The following ZNF235 variants were observed in gnomAD, a reference collection of about 807,000 sequenced individuals.
ZNF235 encodes zinc finger protein 235.
In ZNF235, 25 loss-of-function variants were observed where a neutral mutation model predicts 29.4. The ratio of observed to expected loss-of-function variants is 0.85; its 90% CI spans 0.62 to 1.19. The LOEUF is 1.19. ZNF235 is among the 50% of genes most tolerant of loss of function. The probability of loss-of-function intolerance (pLI) is 0.00; values close to 1 mark genes in which losing one functional copy is unlikely to be tolerated. For synonymous variants in ZNF235, 300 were observed against 295.3 expected (o/e 1.02, Z -0.16); for missense variants, 788 against 885.0 (o/e 0.89, Z 1.39).
chr19:44,293,448 T>TA (rs937384187), intron 4 of ZNF235, among the ~76,000 whole-genome samples: 1 of 151,578 alleles, frequency 6.6e-6, no homozygotes, highest in Non-Finnish European at 1.5e-5. Flanking sequence ...TTATTAGACC[T>TA]AAAAAAATAC....
rs1318884412 is a variant in ZNF235 at position 44,287,959 on chromosome 19, A to G, written c.1476T>C (p.Cys492=). Residue 492 remains cysteine, a synonymous_variant, in exon 5 of 5, where the codon TGT becomes TGC. Transcript: ENST00000291182. ...TGEKPYKCEE[C]GKGFSSASSF... Reference sequence around the variant, plus strand: ...TTGAGGCTGAACTAAAACCCTTACCACACTCTTCACATTTATATGGTTTTT... The same window carrying G: ...TTGAGGCTGAACTAAAACCCTTACCGCACTCTTCACATTTATATGGTTTTT... The G allele has an allele frequency of 1.9e-6, 3 of 1,614,072 alleles. No individual in the cohort carries two copies. The South Asian group carries it at 3.3e-5, about 18-fold the overall frequency.
chr19:44,288,777 T>G lies in ZNF235; in HGVS notation c.658A>C (p.Ile220Leu). The G allele has an allele frequency of 6.2e-7, 1 of 1,613,944 alleles. No homozygotes were observed. Among genetic ancestry groups the G allele is most frequent in the Non-Finnish European group, 8.5e-7 (1 of 1,179,958 alleles). The part of the protein sequence containing the change: ...FAPYVDIFSC[I>L]SHHHDDNIVH... ...ATATTATCATCATGGTGGTGTGAAA[T>G]ACAACTGAAAATGTCAACATATGGA... Residue 220 changes from isoleucine (I) to leucine (L), a missense_variant, in exon 5 of 5, where the codon ATT (isoleucine) becomes CTT (leucine). Coordinates refer to ENST00000291182, the MANE Select transcript of ZNF235 (RefSeq NM_004234.4).
In ZNF235 at chr19:44,287,063, C is replaced by T. The variant is rs752373725; in HGVS notation, c.*155G>A. The T allele has an allele frequency of 4.6e-5, 34 of 732,664 alleles. No individual in the cohort carries two copies. Among genetic ancestry groups the T allele is most frequent in the Middle Eastern group, 3.9e-4 (1 of 2,582 alleles). 45.4% of individuals were successfully genotyped at this position (732,664 alleles called of 1,614,324 possible). A position where few individuals can be genotyped will look rare whatever the true frequency, so the allele number is the denominator to read the frequency against. ...CGTTTGTAAAGAATTCATGTCCTAA[C>T]CAAGTCTAAAACACAGCATTTGAGA... On this transcript the variant is annotated 3_prime_UTR_variant, in exon 5 of 5. Transcript: ENST00000291182.
At chr19:44,303,346 AATGAG>A in intron 2 of ZNF235, 39 bp downstream of exon 2, 1 of 1,602,638 alleles carries the variant, frequency 6.2e-7, no homozygotes, top group Non-Finnish European at 8.5e-7. Context: ...ATCTTTGTGA[AATGAG>A]ATGTCATTTT....
intron 3 of ZNF235, 95 bp from the exon 4 acceptor site, chr19:44,298,998 C>A (rs1489622905): frequency 1.3e-6 from 1 of 797,510 alleles, no homozygotes; most frequent in African/African-American, 1.7e-5. Context: ...CTCCCTGCCC[C>A]AGCATGCAAT....
chr19:44,294,966 C>CTGAATGGGGAAA (rs1975634428), intron 4 of ZNF235, among the ~76,000 whole-genome samples: 1 of 151,948 alleles, frequency 6.6e-6, no homozygotes, highest in African/African-American at 2.4e-5. Flanking sequence ...TATATGACAA[C>CTGAATGGGGAAA]CCATAGGTAA....
intron 4 of ZNF235, among the ~76,000 whole-genome samples, chr19:44,293,231 G>A (rs776538470): frequency 5.9e-5 from 9 of 151,966 alleles, no homozygotes; most frequent in African/African-American, 1.9e-4. Flanking sequence ...AAGGTAAAGC[G>A]GTAGAAAAAG....
At chr19:44,289,918 AT>A (rs1273489302) in intron 4 of ZNF235, 1 of 152,172 alleles carries the variant, frequency 6.6e-6, no homozygotes, top group East Asian at 1.9e-4. Context: ...ATAGCTGGAG[AT>A]TTCAATACCC....
In ZNF235 at chr19:44,287,147, C is replaced by T; in HGVS notation, c.*71G>A. 1 of 1,453,928 alleles carries T rather than the reference C, an allele frequency of 6.9e-7. No individual in the cohort carries two copies. Among genetic ancestry groups the T allele is most frequent in the Non-Finnish European group, 9.2e-7 (1 of 1,087,422 alleles). 90.1% of individuals were successfully genotyped at this position (1,453,928 alleles called of 1,614,324 possible). ...TAGTTTTAAAGGAACTTTTCACAATCATCAGCATGGACTTCCCAACGGAGA... is the reference window on the plus strand; with the variant it reads ...TAGTTTTAAAGGAACTTTTCACAATTATCAGCATGGACTTCCCAACGGAGA... On this transcript the variant is annotated 3_prime_UTR_variant, in exon 5 of 5. Transcript: ENST00000291182.
At chr19:44,295,581 A>G (rs1037209062) in intron 4 of ZNF235, among the ~76,000 whole-genome samples, 1 of 152,146 alleles carries the variant, frequency 6.6e-6, no homozygotes, top group Non-Finnish European at 1.5e-5. Flanking sequence ...TTGCAGAATG[A>G]GGAAAAACAA....
At position 44,287,101 on chromosome 19, in the gene ZNF235, G is replaced by T; in HGVS notation, c.*117C>A. 1 of 1,085,424 alleles carries T rather than the reference G, an allele frequency of 9.2e-7. No homozygotes were observed. The highest frequency in any genetic ancestry group is 1.3e-6 in the Non-Finnish European group (1 of 774,030). The allele number at this position is 1,085,424 out of a possible 1,614,324, so 67.2% of individuals were successfully genotyped here. A position where few individuals can be genotyped will look rare whatever the true frequency, so the allele number is the denominator to read the frequency against. On this transcript the variant is annotated 3_prime_UTR_variant, in exon 5 of 5. Transcript: ENST00000291182. The stretch of plus-strand genomic sequence containing the variant: ...ACAGCATTTGAGAGACTTCTTTCCT[G>T]TCAAGATTCTTTGAAGCTTCTAGTT...
rs187741730 is a variant in ZNF235, at chr19:44,289,283, C to T, written c.239-87G>A. 268 of 1,264,466 alleles carry T rather than the reference C, an allele frequency of 2.1e-4. 2 individuals carry two copies. The East Asian group carries it at 6.0e-3, about 28-fold the overall frequency. The allele number at this position is 1,264,466 out of a possible 1,614,324, so 78.3% of individuals were successfully genotyped here. On this transcript the variant is annotated intron_variant, in intron 4 of 4. Transcript: ENST00000291182. ...ATTAAGATCTAAGCTCTCATTTTCCCCATGGAAACGTCAAAAAAACAACTA... is the reference window on the plus strand; with the variant it reads ...ATTAAGATCTAAGCTCTCATTTTCCTCATGGAAACGTCAAAAAAACAACTA...
chr19:44,288,007 A>T lies in ZNF235; in HGVS notation c.1428T>A (p.Ser476Arg). The change falls in exon 5 of 5, where the codon AGT becomes AGA. Residue 476 changes from serine to arginine, a missense_variant. Coordinates refer to ENST00000291182, the MANE Select transcript of ZNF235 (RefSeq NM_004234.4). Reference protein sequence around the residue: ...KCFSLSFNLHSHQRVHTGEKP... With the variant: ...KCFSLSFNLHRHQRVHTGEKP... ...TTTCTCCTGTGTGGACTCGTTGATG[A>T]CTATGAAGATTAAAGCTCAAACTAA... 6.2e-7 allele frequency: 1 copy of T among 1,613,970 alleles called. No individual in the cohort carries two copies. Among genetic ancestry groups the T allele is most frequent in the African/African-American group, 1.3e-5 (1 of 74,982 alleles).
intron 4 of ZNF235, chr19:44,297,234 T>A (rs933211847): frequency 5.0e-6 from 1 of 198,218 alleles, no homozygotes; most frequent in African/African-American, 2.4e-5. Context: ...TATGCCATCA[T>A]GATCAACCAG....
chr19:44,288,853 A>T lies in ZNF235; in HGVS notation c.582T>A (p.Tyr194Ter), dbSNP rs760712349. ...SKIYLNETQN[Y>*]QRSCKQTQMK... Reference sequence around the variant, plus strand: ...TCTGAGTCTGCTTACAACTTCTCTGATAATTCTGTGTCTCATTCAGATATA... The same window carrying T: ...TCTGAGTCTGCTTACAACTTCTCTGTTAATTCTGTGTCTCATTCAGATATA... The change falls in exon 5 of 5, where the codon TAT (tyrosine) becomes TAA (stop). Residue 194 changes from tyrosine (Y) to a stop codon, truncating the protein, a stop_gained. Transcript: ENST00000291182. LOFTEE classifies it low-confidence loss of function (END_TRUNC). 6.2e-7 allele frequency: 1 copy of T among 1,613,634 alleles called. No homozygotes were observed. The highest frequency in any genetic ancestry group is 1.1e-5 in the South Asian group (1 of 90,960).
chr19:44,301,808 G>C (rs1424497887), intron 2 of ZNF235, among the ~76,000 whole-genome samples: 1 of 152,122 alleles, frequency 6.6e-6, no homozygotes, highest in Non-Finnish European at 1.5e-5. Flanking sequence ...GGCACTGGAA[G>C]CTTTAACGTC....
Position 44,288,676 on chromosome 19 carries a change from C to A in ZNF235, c.759G>T (p.Gln253His). 6.2e-7 allele frequency: 1 copy of A among 1,614,128 alleles called. No individual in the cohort carries two copies. ...KDTLKVSPLT[Q>H]RSIHTGQKTY... is the part of the protein sequence containing the mutation. Reference sequence around the variant, plus strand: ...TTTTCTGTCCTGTGTGAATACTACGCTGGGTAAGAGGTGATACCTTTAGGG... The same window carrying A: ...TTTTCTGTCCTGTGTGAATACTACGATGGGTAAGAGGTGATACCTTTAGGG... Residue 253 changes from glutamine (Q) to histidine (H), a missense_variant, in exon 5 of 5, where the codon CAG becomes CAT. Coordinates refer to ENST00000291182, the MANE Select transcript of ZNF235 (RefSeq NM_004234.4).
intron 4 of ZNF235, among the ~76,000 whole-genome samples, chr19:44,298,110 C>T (rs1975680113): frequency 6.6e-6 from 1 of 151,900 alleles, no homozygotes; most frequent in Non-Finnish European, 1.5e-5. Context: ...CAGAGTGAGA[C>T]CCTATCTCAA....
At position 44,287,551 on chromosome 19, in the gene ZNF235, T is replaced by C; in HGVS notation, c.1884A>G (p.Lys628=). The C allele has an allele frequency of 1.2e-6, 2 of 1,614,150 alleles. No individual in the cohort carries two copies. The highest frequency in any genetic ancestry group is 2.2e-5 in the East Asian group (1 of 44,884). The part of the protein sequence containing the change: ...QRVHTGEKPY[K]CDTCGKAFSQ... ...TGAAGGCCTTACCACAAGTGTCACA[T>C]TTATATGGTTTCTCTCCGGTGTGGA... Residue 628 remains lysine, a synonymous_variant, in exon 5 of 5, where the codon AAA becomes AAG. Coordinates refer to ENST00000291182, the MANE Select transcript of ZNF235 (RefSeq NM_004234.4).
Sources: gnomAD v4.1 joint callset for allele counts (sites outside exome capture counted in the v4.1 genomes callset) on GRCh38, gnomAD v4.1.1 for gene constraint, MANE v1.5 for transcripts, NCBI Gene and HGNC (gene_info 2026-07-23, HGNC 2026-07-21) for gene names.